Variants in GABRB3 observed in about 807,000 individuals in gnomAD.
GABRB3 encodes gamma-aminobutyric acid receptor subunit beta-3.
A neutral mutation model predicts 52.1 loss-of-function variants in GABRB3; 14 were observed. The observed-to-expected ratio is 0.27, with a 90% CI of 0.18 to 0.42. The LOEUF is 0.42. GABRB3 is among the 10% of genes least tolerant of loss of function. The pLI is 1.00. For missense variants in GABRB3, 307 were observed against 609.1 expected (o/e 0.50, Z 5.22); for synonymous variants, 260 against 232.3 (o/e 1.12, Z -1.08).
intron 7 of GABRB3, among the ~76,000 whole-genome samples, chr15:26,563,596 C>T (rs1890064989): frequency 6.6e-6 from 1 of 152,196 alleles, no homozygotes; most frequent in Non-Finnish European, 1.5e-5. Flanking sequence ...ATGGCAATGG[C>T]TGAAAAGCTC....
chr15:26,720,414 C>G (rs903089139), intron 3 of GABRB3, among the ~76,000 whole-genome samples: 2 of 152,186 alleles, frequency 1.3e-5, no homozygotes, highest in African/African-American at 4.8e-5. Flanking sequence ...CTCAATCACA[C>G]AGCATTGTAG....
chr15:26,565,933 G>A lies in GABRB3; in HGVS notation c.835+1648C>T, dbSNP rs1244087918. Among the ~76,000 whole-genome samples, 4 of 152,276 alleles carry A rather than the reference G, an allele frequency of 2.6e-5. No homozygotes were observed. In the South Asian group the frequency reaches 6.2e-4, roughly 24 times the overall value. The stretch of plus-strand genomic sequence containing the variant: ...ATTTCATATTATTTTTCTTAAAAGG[G>A]GGTGCTTGAAATTGTATAAGCTAAC... On this transcript the variant is annotated intron_variant, in intron 7 of 8. Coordinates refer to ENST00000311550, the MANE Select transcript of GABRB3 (RefSeq NM_000814.6).
intron 4 of GABRB3, among the ~76,000 whole-genome samples, chr15:26,602,503 A>G (rs1327816108): frequency 2.0e-5 from 3 of 152,144 alleles, no homozygotes; most frequent in African/African-American, 7.2e-5. Context: ...GATAGATCAT[A>G]TGTTAGGGTC....
chr15:26,609,592 T>A (rs1891987790), intron 4 of GABRB3, among the ~76,000 whole-genome samples: 1 of 152,158 alleles, frequency 6.6e-6, no homozygotes, highest in Admixed American at 6.6e-5. Flanking sequence ...CCTATTCATG[T>A]CTACATTGTG....
intron 3 of GABRB3, among the ~76,000 whole-genome samples, chr15:26,634,830 GTGTT>G (rs1893002181): frequency 1.4e-5 from 2 of 144,538 alleles, no homozygotes; most frequent in Non-Finnish European, 3.1e-5. Context: ...GTGTATATAT[GTGTT>G]TGTGTGTGTA....
At chr15:26,642,496 G>C in intron 3 of GABRB3, 1 of 1,288,906 alleles carries the variant, frequency 7.8e-7, no homozygotes, top group Non-Finnish European at 1.0e-6. Context: ...GTTCCACAGT[G>C]GCTGAATCCT....
chr15:26,587,650 G>A (rs563704968), intron 4 of GABRB3, among the ~76,000 whole-genome samples: 5 of 152,192 alleles, frequency 3.3e-5, no homozygotes, highest in South Asian at 4.2e-4. Flanking sequence ...CAGGAGTTGC[G>A]TTAAGGTTGA....
intron 3 of GABRB3, among the ~76,000 whole-genome samples, chr15:26,714,995 A>T (rs1595546934): frequency 6.6e-6 from 1 of 152,322 alleles, no homozygotes; most frequent in African/African-American, 2.4e-5. Flanking sequence ...GTGCAAAAAA[A>T]TTACAAAGCC....
At chr15:26,753,839 G>A (rs1015530743) in intron 3 of GABRB3, among the ~76,000 whole-genome samples, 9 of 152,180 alleles carry the variant, frequency 5.9e-5, no homozygotes, top group Non-Finnish European at 7.3e-5. Context: ...GGTCTGGGGC[G>A]AGGGCAGGCT....
At chr15:26,564,202 C>G (rs764036071) in intron 7 of GABRB3, among the ~76,000 whole-genome samples, 1 of 151,956 alleles carries the variant, frequency 6.6e-6, no homozygotes, top group African/African-American at 2.4e-5. Flanking sequence ...GCAGATACTC[C>G]AAAAGTAGAA....
intron 3 of GABRB3, among the ~76,000 whole-genome samples, chr15:26,760,049 A>C (rs1314616689): frequency 3.9e-5 from 6 of 152,254 alleles, no homozygotes; most frequent in African/African-American, 9.6e-5. Flanking sequence ...TTATGTACAA[A>C]GTAGCTGAGG....
chr15:26,592,001 A>G (rs1777591528), intron 4 of GABRB3, among the ~76,000 whole-genome samples: 1 of 152,160 alleles, frequency 6.6e-6, no homozygotes, highest in Non-Finnish European at 1.5e-5. Flanking sequence ...GCACAAAAAT[A>G]ATAGCTTGCT....
At chr15:26,660,925 G>A (rs1466888256) in intron 3 of GABRB3, among the ~76,000 whole-genome samples, 1 of 152,108 alleles carries the variant, frequency 6.6e-6, no homozygotes, top group African/African-American at 2.4e-5. Context: ...ACTGCATCCT[G>A]CATGCACCAC....
At chr15:26,565,165 GT>G (rs1890119774) in intron 7 of GABRB3, among the ~76,000 whole-genome samples, 1 of 118,272 alleles carries the variant, frequency 8.5e-6, no homozygotes, top group Non-Finnish European at 1.7e-5. Context: ...CTTGTCTGTT[GT>G]ATTGATGATG....
intron 3 of GABRB3, among the ~76,000 whole-genome samples, chr15:26,643,133 T>A (rs1158026376): frequency 6.6e-6 from 1 of 152,294 alleles, no homozygotes; most frequent in East Asian, 1.9e-4. Flanking sequence ...TTATCCTTAA[T>A]GGCCAGCAAG....
In GABRB3 at chr15:26,554,175, A is replaced by AAGT. The variant is rs1397152466; in HGVS notation, c.1081-6042_1081-6041insACT. On this transcript the variant is annotated intron_variant, in intron 8 of 8. Coordinates refer to ENST00000311550, the MANE Select transcript of GABRB3 (RefSeq NM_000814.6). ...ATATATATAAAGTATATATATATAA[A>AAGT]GTATATATATATATACTATATATAT... Among the ~76,000 whole-genome samples, 33 of 14,278 alleles carry AAGT rather than the reference A, an allele frequency of 2.3e-3. 3 individuals are homozygous for AAGT. Among genetic ancestry groups the AAGT allele is most frequent in the African/African-American group, 4.3e-3 (33 of 7,646 alleles). The allele number at this position is 14,278 out of a possible 152,430, so 9.4% of individuals were successfully genotyped here. A position where few individuals can be genotyped will look rare whatever the true frequency, so the allele number is the denominator to read the frequency against.
intron 3 of GABRB3, among the ~76,000 whole-genome samples, chr15:26,656,591 C>T (rs1488105396): frequency 6.6e-6 from 1 of 152,194 alleles, no homozygotes; most frequent in African/African-American, 2.4e-5. Flanking sequence ...AACCTGACTG[C>T]CTGAGCTTGG....
chr15:26,688,060 T>C (rs1447176194), intron 3 of GABRB3, among the ~76,000 whole-genome samples: 3 of 152,154 alleles, frequency 2.0e-5, no homozygotes, highest in African/African-American at 7.2e-5. Flanking sequence ...AATTAGAAAG[T>C]TTTCTTCATT....
intron 3 of GABRB3, among the ~76,000 whole-genome samples, chr15:26,738,336 G>GC (rs893592755): frequency 4.6e-5 from 7 of 152,008 alleles, no homozygotes; most frequent in Non-Finnish European, 5.9e-5. Context: ...ACCCGCCTCC[G>GC]CCCCCCAAAA....
Sources: gnomAD v4.1 joint callset for allele counts (sites outside exome capture counted in the v4.1 genomes callset) on GRCh38, gnomAD v4.1.1 for gene constraint, MANE v1.5 for transcripts, NCBI Gene and HGNC (gene_info 2026-07-23, HGNC 2026-07-21) for gene names.